The following PDE8A variants were observed in gnomAD, a reference collection of about 807,000 sequenced individuals.
The protein encoded by PDE8A is phosphodiesterase 8A.
Under a neutral mutation model 105.0 loss-of-function variants are expected in PDE8A, and 59 were observed. The observed-to-expected ratio is 0.56, with a 90% CI of 0.46 to 0.70. The LOEUF (loss-of-function observed/expected upper bound fraction) is 0.70, where lower values mean the gene tolerates loss of function less well. Among genes scored for constraint, PDE8A ranks in the 30% least tolerant of loss-of-function variants. The pLI is 0.00. For missense variants in PDE8A, 1,014 were observed against 1,045.9 expected, an observed-to-expected ratio of 0.97 and a Z score of 0.42; for synonymous variants, 355 against 371.9, an observed-to-expected ratio of 0.95 and a Z score of 0.52.
intron 20 of PDE8A, among the ~76,000 whole-genome samples, chr15:85,131,460 TAGGACAACCTA>T (rs2082329159): frequency 6.6e-6 from 1 of 152,222 alleles, no homozygotes; most frequent in East Asian, 1.9e-4. Context: ...AGAGATTGCA[TAGGACAACCTA>T]AAGTTACAAC....
At chr15:85,129,193 G>T (rs865883053) in intron 20 of PDE8A, among the ~76,000 whole-genome samples, 2 of 152,276 alleles carry the variant, frequency 1.3e-5, no homozygotes, top group Middle Eastern at 6.8e-3. Context: ...AGTATTTACA[G>T]GGGATATTGG....
At chr15:85,095,532 C>T (rs572151795) in intron 8 of PDE8A, among the ~76,000 whole-genome samples, 4 of 152,060 alleles carry the variant, frequency 2.6e-5, no homozygotes, top group East Asian at 3.9e-4. Context: ...TTAGCAGATA[C>T]GAGGTTTCAC....
At chr15:85,111,659 G>A (rs952487907) in intron 12 of PDE8A, among the ~76,000 whole-genome samples, 3 of 152,162 alleles carry the variant, frequency 2.0e-5, no homozygotes, top group Admixed American at 6.6e-5. Flanking sequence ...TGCCTTGGCC[G>A]TTCTAGGTCC....
At chr15:85,008,527 C>T (rs528273489) in intron 1 of PDE8A, among the ~76,000 whole-genome samples, 49 of 152,092 alleles carry the variant, frequency 3.2e-4, no homozygotes, top group Admixed American at 1.3e-3. Flanking sequence ...TTTTAATAAC[C>T]GGACCCTGTG....
chr15:85,117,739 T>C lies in PDE8A; in HGVS notation c.1634T>C (p.Ile545Thr), dbSNP rs139525378. Reference sequence around the variant, plus strand: ...ACGCTAAGATCATGGTTACAAATTATCGAAGCCAATTATCATTCCTCCAAT... The same window carrying C: ...ACGCTAAGATCATGGTTACAAATTACCGAAGCCAATTATCATTCCTCCAAT... Reference protein sequence around the residue: ...ESTLRSWLQIIEANYHSSNPY... With the variant: ...ESTLRSWLQITEANYHSSNPY... The change falls in exon 17 of 22, where the codon ATC (isoleucine) becomes ACC (threonine). Residue 545 changes from isoleucine (I) to threonine (T), a missense_variant. Physicochemically the swap from Ile to Thr is moderately conservative, Grantham distance 89. Transcript: ENST00000394553. The C allele has an allele frequency of 1.9e-6, 3 of 1,613,826 alleles. No homozygotes were observed. In the African/African-American group the frequency reaches 4.0e-5, roughly 22 times the overall value.
intron 1 of PDE8A, among the ~76,000 whole-genome samples, chr15:85,001,605 C>T (rs1327510358): frequency 6.6e-6 from 1 of 152,124 alleles, no homozygotes; most frequent in Admixed American, 6.5e-5. Context: ...CCTTGTTGAA[C>T]TCCAGGAGGG....
chr15:84,983,684 TA>T (rs1421010951), intron 1 of PDE8A, among the ~76,000 whole-genome samples: 11 of 152,234 alleles, frequency 7.2e-5, no homozygotes, highest in Non-Finnish European at 2.9e-5. Flanking sequence ...TACTTGGCTT[TA>T]AAAAAGTGTT....
chr15:85,066,987 A>G, intron 2 of PDE8A, 27 bp from the exon 3 acceptor site: 1 of 1,514,446 alleles, frequency 6.6e-7, no homozygotes, highest in South Asian at 1.2e-5. Context: ...TTTTTTTAAA[A>G]AAAGTGTTTG....
intron 1 of PDE8A, among the ~76,000 whole-genome samples, chr15:85,012,597 TAA>T (rs960426378): frequency 5.3e-5 from 8 of 151,254 alleles, no homozygotes; most frequent in Admixed American, 5.3e-4. Flanking sequence ...TACCTAATGC[TAA>T]ATGACGAGTT....
chr15:85,000,444 C>G (rs2080049021), intron 1 of PDE8A, among the ~76,000 whole-genome samples: 1 of 152,210 alleles, frequency 6.6e-6, no homozygotes, highest in Non-Finnish European at 1.5e-5. Context: ...CTTCAGATCC[C>G]ACTGAATCTC....
At chr15:85,115,613 G>T in intron 15 of PDE8A, 126 bp downstream of exon 15, 1 of 586,108 alleles carries the variant, frequency 1.7e-6, no homozygotes, top group Non-Finnish European at 2.9e-6. Flanking sequence ...CAGAAACAAA[G>T]CAGCTGTCCC....
At chr15:85,008,050 A>G (rs1045984677) in intron 1 of PDE8A, among the ~76,000 whole-genome samples, 5 of 152,028 alleles carry the variant, frequency 3.3e-5, no homozygotes, top group African/African-American at 1.2e-4. Flanking sequence ...TCCTTAATGT[A>G]TGTGAGTGAC....
chr15:85,014,998 G>A (rs1226481761), intron 1 of PDE8A, among the ~76,000 whole-genome samples: 1 of 152,128 alleles, frequency 6.6e-6, no homozygotes, highest in African/African-American at 2.4e-5. Flanking sequence ...ATTTACCAAT[G>A]AACGTTTGAT....
chr15:85,015,303 C>T (rs775704517), intron 1 of PDE8A, among the ~76,000 whole-genome samples: 2 of 151,788 alleles, frequency 1.3e-5, no homozygotes, highest in African/African-American at 2.4e-5. Context: ...CACAGCTCAC[C>T]GGAGCCTCGA....
At chr15:85,113,317 C>A in intron 12 of PDE8A, 60 bp from the exon 13 acceptor site, 1 of 1,385,074 alleles carries the variant, frequency 7.2e-7, no homozygotes, top group East Asian at 2.3e-5. Flanking sequence ...GAGCCCTCTG[C>A]TGTCAAGACA....
intron 11 of PDE8A, among the ~76,000 whole-genome samples, chr15:85,106,761 G>A (rs2081953570): frequency 6.6e-6 from 1 of 152,206 alleles, no homozygotes; most frequent in South Asian, 2.1e-4. Context: ...TGAAAGGCAG[G>A]CTGCTGCAGG....
intron 20 of PDE8A, among the ~76,000 whole-genome samples, chr15:85,135,553 C>G (rs921086937): frequency 2.6e-5 from 4 of 152,112 alleles, no homozygotes; most frequent in Non-Finnish European, 5.9e-5. Flanking sequence ...CTCATCCTGC[C>G]CCACTGTTTG....
At chr15:85,070,702 G>T (rs377619632) in intron 3 of PDE8A, among the ~76,000 whole-genome samples, 3 of 152,314 alleles carry the variant, frequency 2.0e-5, no homozygotes, top group African/African-American at 7.2e-5. Flanking sequence ...GTCAGGGGAG[G>T]TTGGAACAGC....
rs182381936 is a variant in PDE8A, at chr15:85,015,996, T to C, written c.186+33648T>C. On this transcript the variant is annotated intron_variant, in intron 1 of 21. Coordinates refer to ENST00000394553, the MANE Select transcript of PDE8A (RefSeq NM_002605.3). Reference sequence around the variant, plus strand: ...ATTAAAAATACAAAAATGTGCTGAGTGTGTTGGTGCACATCCGTAATCCCA... The same window carrying C: ...ATTAAAAATACAAAAATGTGCTGAGCGTGTTGGTGCACATCCGTAATCCCA... Among the ~76,000 whole-genome samples, 5 of 152,084 alleles carry C rather than the reference T, an allele frequency of 3.3e-5. No homozygotes were observed. The East Asian group carries it at 9.7e-4, about 29-fold the overall frequency.
Sources: allele counts gnomAD v4.1 joint callset (sites outside exome capture counted in the v4.1 genomes callset), GRCh38; gene constraint gnomAD v4.1.1; transcripts MANE v1.5; gene names NCBI Gene and HGNC (gene_info 2026-07-23, HGNC 2026-07-21).